PSG11: variants seen among roughly 807,000 people sequenced by gnomAD.
The protein encoded by PSG11 is pregnancy-specific beta-1-glycoprotein 11.
PSG11 carries 42 observed loss-of-function variants against 36.0 expected under a neutral mutation model. The ratio of observed to expected loss-of-function variants is 1.17; its 90% CI spans 0.91 to 1.51. The LOEUF (loss-of-function observed/expected upper bound fraction) is 1.51. PSG11 is among the 40% of genes most tolerant of loss of function. The pLI is 0.00. For synonymous variants in PSG11, 206 were observed against 153.5 expected, an observed-to-expected ratio of 1.34 and a Z score of -2.53; for missense variants, 558 against 403.5, an observed-to-expected ratio of 1.38 and a Z score of -3.28.
rs746138294 is a variant in PSG11 at position 43,015,097 on chromosome 19, G to C, written c.964+19C>G. ...CTCCACCTAAAACCCTATTGCCAAG[G>C]ATGCTGGGATCCACTTACCAATGAC... On this transcript the variant is annotated intron_variant, in intron 4 of 5. Transcript: ENST00000320078. The C allele has an allele frequency of 1.9e-6, 3 of 1,611,538 alleles. No homozygotes were observed. Among genetic ancestry groups the C allele is most frequent in the Non-Finnish European group, 2.5e-6 (3 of 1,178,724 alleles).
chr19:43,022,933 G>A (rs1253910076), intron 2 of PSG11, among the ~76,000 whole-genome samples: 2 of 150,586 alleles, frequency 1.3e-5, no homozygotes, highest in African/African-American at 2.5e-5. Flanking sequence ...CTAGGGGTGG[G>A]GGAAGAAGCT....
chr19:43,018,662 G>T (rs550965977), intron 3 of PSG11, 108 bp downstream of exon 3: 1 of 1,602,374 alleles, frequency 6.2e-7, no homozygotes, highest in Admixed American at 1.7e-5. Context: ...TTGATGTCCA[G>T]TGGTAAAGGT....
chr19:43,016,577 G>A (rs146403251), intron 3 of PSG11, among the ~76,000 whole-genome samples: 7,137 of 151,414 alleles, frequency 0.047, 746 homozygotes, highest in African/African-American at 0.16. Flanking sequence ...TAACACAGGG[G>A]AGACCAGAGT....
chr19:43,015,046 T>C (rs1400062648), intron 4 of PSG11, 70 bp downstream of exon 4: 34 of 1,609,182 alleles, frequency 2.1e-5, no homozygotes, highest in Non-Finnish European at 2.9e-5. Context: ...AATGTTTTCC[T>C]GACTCTTCTC....
At position 43,015,460 on chromosome 19, in the gene PSG11, C is replaced by A. The variant is rs1443780602; in HGVS notation, c.710-90G>T. ...TAAAGGGACACAGTGACCCTCTGAGCCAAGACACACCCTCAAGTCCCAGCC... is the reference window on the plus strand; with the variant it reads ...TAAAGGGACACAGTGACCCTCTGAGACAAGACACACCCTCAAGTCCCAGCC... On this transcript the variant is annotated intron_variant, in intron 3 of 5. Coordinates refer to ENST00000320078, the MANE Select transcript of PSG11 (RefSeq NM_002785.3). 25 of 1,458,140 alleles carry A rather than the reference C, an allele frequency of 1.7e-5. 1 individual carries two copies. In the Admixed American group the frequency reaches 2.5e-4, roughly 14 times the overall value. 90.3% of individuals were successfully genotyped at this position (1,458,140 alleles called of 1,614,324 possible). A position where few individuals can be genotyped will look rare whatever the true frequency, so the allele number is the denominator to read the frequency against.
In PSG11 at chr19:43,022,349, C is replaced by T. The variant is rs10425276; in HGVS notation, c.430+2342G>A. Among the ~76,000 whole-genome samples, 5 of 151,070 alleles carry T rather than the reference C, an allele frequency of 3.3e-5. 1 individual carries two copies. Among genetic ancestry groups the T allele is most frequent in the East Asian group, 1.9e-4 (1 of 5,140 alleles). On this transcript the variant is annotated intron_variant, in intron 2 of 5. Coordinates refer to ENST00000320078, the MANE Select transcript of PSG11 (RefSeq NM_002785.3). ...CATACCTATGACTAATGGCTCAGCC[C>T]GTCATGTGGTCCCTACCTAGAGGCA...
intron 3 of PSG11, chr19:43,017,676 T>G (rs1229994347): frequency 1.3e-5 from 2 of 151,448 alleles, no homozygotes; most frequent in African/African-American, 2.4e-5. Flanking sequence ...GGGGTTGCAT[T>G]GAATCTGCAA....
intron 2 of PSG11, among the ~76,000 whole-genome samples, chr19:43,021,405 G>T (rs934539711): frequency 2.0e-5 from 3 of 151,298 alleles, no homozygotes; most frequent in African/African-American, 7.3e-5. Context: ...AGGCTGGAGT[G>T]CAGTGGCATG....
chr19:43,024,494 G>A, intron 2 of PSG11, 197 bp downstream of exon 2: 2 of 939,950 alleles, frequency 2.1e-6, no homozygotes, highest in Non-Finnish European at 3.2e-6. Context: ...TGTCTGCAGG[G>A]TCTGGATGCG....
chr19:43,008,818 G>T (rs1196153864), intron 5 of PSG11, among the ~76,000 whole-genome samples: 1 of 151,122 alleles, frequency 6.6e-6, no homozygotes, highest in African/African-American at 2.4e-5. Flanking sequence ...AGTACTTCTA[G>T]CTGAAAATCA....
At position 43,015,186 on chromosome 19, in the gene PSG11, G is replaced by A; in HGVS notation, c.894C>T (p.Leu298=). 3 of 1,610,886 alleles carry A rather than the reference G, an allele frequency of 1.9e-6. No homozygotes were observed. The highest frequency in any genetic ancestry group is 1.7e-4 in the Middle Eastern group (1 of 6,058). The change falls in exon 4 of 6, where the codon CTC becomes CTT. Residue 298 remains leucine (L), a synonymous_variant. Coordinates refer to ENST00000320078, the MANE Select transcript of PSG11 (RefSeq NM_002785.3). ...IPQITPKHNG[L]YACSARNSAT... The stretch of plus-strand genomic sequence containing the variant: ...CTGAGTTACGAGCAGAGCAAGCATA[G>A]AGCCCATTATGCTTTGGAGTAATCT...
chr19:43,020,225 A>C (rs60659850), intron 2 of PSG11, among the ~76,000 whole-genome samples: 4,074 of 151,456 alleles, frequency 0.027, 297 homozygotes, highest in African/African-American at 0.094. Flanking sequence ...AGAAAGGTTA[A>C]AACAAAGTGT....
rs780777752 is a variant in PSG11 at position 43,019,025 on chromosome 19, A to C, written c.454T>G (p.Ser152Ala). The change falls in exon 3 of 6, where the codon TCC becomes GCC. Residue 152 changes from serine to alanine, a missense_variant. Coordinates refer to ENST00000320078, the MANE Select transcript of PSG11 (RefSeq NM_002785.3). ...TCCCTGGGGTTTAAGTTGCTGCTGG[A>C]GATGGAGGGCTTGGGAGTCTCCACT... is the stretch of plus-strand genomic sequence containing the variant. ...LYLETPKPSI[S>A]SSNLNPREAM... 2 of 1,611,874 alleles carry C rather than the reference A, an allele frequency of 1.2e-6. No homozygotes were observed. The highest frequency in any genetic ancestry group is 1.7e-6 in the Non-Finnish European group (2 of 1,179,036).
At chr19:43,009,820 G>A in intron 5 of PSG11, 138 bp downstream of exon 5, 1 of 676,882 alleles carries the variant, frequency 1.5e-6, no homozygotes, top group Non-Finnish European at 2.6e-6. Context: ...GGGAACTGCA[G>A]GAATTAGTGC....
chr19:43,011,765 C>A (rs1294291827), intron 4 of PSG11, among the ~76,000 whole-genome samples: 1 of 150,656 alleles, frequency 6.6e-6, no homozygotes, highest in East Asian at 2.0e-4. Context: ...GTGACATGCA[C>A]CTGTAGTCCT....
chr19:43,008,399 A>T (rs1189378848), intron 5 of PSG11, among the ~76,000 whole-genome samples: 1 of 150,894 alleles, frequency 6.6e-6, no homozygotes, highest in African/African-American at 2.5e-5. Context: ...CAGCCTCCTG[A>T]GTAGCTGGGA....
In PSG11 at chr19:43,023,332, C is replaced by A. The variant is rs977763222; in HGVS notation, c.430+1359G>T. 6.6e-5 allele frequency among the ~76,000 whole-genome samples: 10 copies of A among 150,736 alleles called. 1 individual carries two copies. The highest frequency in any genetic ancestry group is 1.3e-4 in the Non-Finnish European group (9 of 67,750). On this transcript the variant is annotated intron_variant, in intron 2 of 5. Coordinates refer to ENST00000320078, the MANE Select transcript of PSG11 (RefSeq NM_002785.3). ...TTCCTTCATTTGTTATGTGAGAGCT[C>A]CTGAGTGTGTGTCTCTCGCTGGGCC... is the stretch of plus-strand genomic sequence containing the variant.
rs746770998 is a variant in PSG11 at position 43,010,075 on chromosome 19, G to C, written c.965-34C>G. ...GAAAGAAAAGAAAAGAAGGAATGAA[G>C]GTGATGTTATTTTACATGGGGGAGC... On this transcript the variant is annotated intron_variant, in intron 4 of 5. Coordinates refer to ENST00000320078, the MANE Select transcript of PSG11 (RefSeq NM_002785.3). 5 of 1,598,620 alleles carry C rather than the reference G, an allele frequency of 3.1e-6. No individual in the cohort carries two copies. In the East Asian group the frequency reaches 1.1e-4, roughly 36 times the overall value.
Position 43,016,734 on chromosome 19 carries a change from T to C in PSG11, c.710-1364A>G, listed in dbSNP as rs533139962. Among the ~76,000 whole-genome samples the C allele has an allele frequency of 2.8e-4, 43 of 151,528 alleles. 2 individuals are homozygous for C. The highest frequency in any genetic ancestry group is 5.6e-4 in the Non-Finnish European group (38 of 67,896). ...AATGATCTAGGAAGAGTGAAGGGGA[T>C]AGGCAAGAGCTGGTGGCTTTGGAGC... is the stretch of plus-strand genomic sequence containing the variant. On this transcript the variant is annotated intron_variant, in intron 3 of 5. Transcript: ENST00000320078.
Sources: gnomAD v4.1 joint callset for allele counts (sites outside exome capture counted in the v4.1 genomes callset) on GRCh38, gnomAD v4.1.1 for gene constraint, MANE v1.5 for transcripts, NCBI Gene and HGNC (gene_info 2026-07-23, HGNC 2026-07-21) for gene names.